The following STK32B variants were observed in gnomAD, a reference collection of about 807,000 sequenced individuals.
STK32B encodes serine/threonine-protein kinase 32B.
Under a neutral mutation model 52.6 loss-of-function variants are expected in STK32B, and 43 were observed. The observed-to-expected ratio is 0.82, with a 90% CI of 0.64 to 1.05. STK32B has a LOEUF of 1.05. Among genes scored for constraint, STK32B ranks in the 50% least tolerant of loss-of-function variants. The pLI is 0.00. For missense variants in STK32B, 621 were observed against 534.6 expected (o/e 1.16, Z -1.59); for synonymous variants, 238 against 204.3 (o/e 1.17, Z -1.41).
intron 3 of STK32B, among the ~76,000 whole-genome samples, chr4:5,200,198 G>A (rs1429243211): frequency 6.6e-6 from 1 of 151,442 alleles, no homozygotes; most frequent in African/African-American, 2.4e-5. Context: ...TTAACAGGTT[G>A]AAGTATCTCA....
intron 1 of STK32B, among the ~76,000 whole-genome samples, chr4:5,126,366 A>G (rs1031064587): frequency 2.0e-5 from 3 of 152,110 alleles, no homozygotes; most frequent in African/African-American, 7.2e-5. Flanking sequence ...CACTCCGGCA[A>G]GCCTTCAGGC....
intron 3 of STK32B, among the ~76,000 whole-genome samples, chr4:5,304,564 A>C (rs1024538720): frequency 1.4e-4 from 22 of 152,024 alleles, no homozygotes; most frequent in African/African-American, 5.3e-4. Context: ...TTCATTTACC[A>C]GTTCTAGGAG....
intron 3 of STK32B, among the ~76,000 whole-genome samples, chr4:5,223,085 CT>C (rs1377198977): frequency 6.6e-6 from 1 of 152,208 alleles, no homozygotes; most frequent in African/African-American, 2.4e-5. Context: ...GTACAGCACT[CT>C]TTGGTTACCA....
intron 4 of STK32B, among the ~76,000 whole-genome samples, chr4:5,344,760 T>C (rs1733335690): frequency 6.6e-6 from 1 of 151,992 alleles, no homozygotes; most frequent in Admixed American, 6.6e-5. Flanking sequence ...AGCCAACACC[T>C]TTCTTTAGTT....
intron 4 of STK32B, among the ~76,000 whole-genome samples, chr4:5,364,846 T>C (rs1045125401): frequency 1.3e-5 from 2 of 152,174 alleles, no homozygotes; most frequent in Non-Finnish European, 2.9e-5. Context: ...TCTAGCATTC[T>C]AGCAACCCTG....
intron 3 of STK32B, among the ~76,000 whole-genome samples, chr4:5,317,053 T>C (rs1388925208): frequency 5.2e-5 from 2 of 38,700 alleles, no homozygotes; most frequent in Non-Finnish European, 7.5e-5. Context: ...ATATATATAA[T>C]ATATATGATA....
At chr4:5,224,385 C>T (rs892058218) in intron 3 of STK32B, among the ~76,000 whole-genome samples, 2 of 152,158 alleles carry the variant, frequency 1.3e-5, no homozygotes, top group African/African-American at 4.8e-5. Flanking sequence ...TCTTAGCCTA[C>T]TAGAATGTTG....
At chr4:5,451,315 T>C (rs751736002) in intron 7 of STK32B, among the ~76,000 whole-genome samples, 14 of 152,168 alleles carry the variant, frequency 9.2e-5, no homozygotes, top group Non-Finnish European at 1.8e-4. Context: ...GGTAGAGAAG[T>C]GGAAGCTAGG....
At chr4:5,217,766 G>A (rs796383454) in intron 3 of STK32B, among the ~76,000 whole-genome samples, 35 of 152,296 alleles carry the variant, frequency 2.3e-4, no homozygotes, top group African/African-American at 7.5e-4. Context: ...TAGAAAGGGA[G>A]GAGGACTTGG....
intron 3 of STK32B, among the ~76,000 whole-genome samples, chr4:5,205,693 G>GGT (rs1560224808): frequency 8.8e-5 from 6 of 68,148 alleles, no homozygotes; most frequent in Non-Finnish European, 1.4e-4. Context: ...TTCTAGACCA[G>GGT]GCGCGCGCGC....
chr4:5,480,254 G>T (rs191551224), intron 11 of STK32B, among the ~76,000 whole-genome samples: 4 of 152,112 alleles, frequency 2.6e-5, no homozygotes, highest in Non-Finnish European at 5.9e-5. Context: ...TATTTCAAGA[G>T]GTTTATTCTG....
intron 3 of STK32B, among the ~76,000 whole-genome samples, chr4:5,208,950 T>C (rs1722742465): frequency 6.6e-6 from 1 of 152,240 alleles, no homozygotes; most frequent in African/African-American, 2.4e-5. Flanking sequence ...GCTTCATCAG[T>C]GATTCCTTAT....
rs557796582 is a variant in STK32B, at chr4:5,371,157, G to A, written c.435-27050G>A. ...CAATGTTGCAGAGAAATGGAATTTA[G>A]CTCAGAATCACAGCAAAGACAGCTG... On this transcript the variant is annotated intron_variant, in intron 4 of 11. Transcript: ENST00000282908. 1.7e-3 allele frequency among the ~76,000 whole-genome samples: 256 copies of A among 152,082 alleles called. 1 individual carries two copies. Among genetic ancestry groups the A allele is most frequent in the African/African-American group, 5.0e-3 (209 of 41,468 alleles).
chr4:5,437,802 C>T, intron 6 of STK32B: 3 of 549,914 alleles, frequency 5.5e-6, no homozygotes, highest in Non-Finnish European at 6.9e-6. Context: ...ATGTGGTTCA[C>T]ACCTGTCCTT....
At chr4:5,260,148 C>T (rs888050310) in intron 3 of STK32B, among the ~76,000 whole-genome samples, 1 of 152,108 alleles carries the variant, frequency 6.6e-6, no homozygotes, top group Non-Finnish European at 1.5e-5. Flanking sequence ...TACAGCTTCA[C>T]GAGATTTTCT....
intron 3 of STK32B, among the ~76,000 whole-genome samples, chr4:5,297,705 T>C (rs1729296071): frequency 6.6e-6 from 1 of 151,948 alleles, no homozygotes; most frequent in Admixed American, 6.6e-5. Flanking sequence ...GGTTCTTAGC[T>C]TCCTTGCATT....
intron 2 of STK32B, 160 bp downstream of exon 2, chr4:5,140,120 C>T (rs1716319971): frequency 7.2e-7 from 1 of 1,396,750 alleles, no homozygotes; most frequent in East Asian, 2.4e-5. Flanking sequence ...TCCTTGCGAT[C>T]TGGTGTAATT....
At chr4:5,140,825 C>T (rs940746493) in intron 2 of STK32B, among the ~76,000 whole-genome samples, 1 of 152,170 alleles carries the variant, frequency 6.6e-6, no homozygotes, top group Non-Finnish European at 1.5e-5. Flanking sequence ...AAACTCTGTA[C>T]CAGGCACTAT....
At chr4:5,444,199 C>G (rs1454697346) in intron 6 of STK32B, among the ~76,000 whole-genome samples, 1 of 152,188 alleles carries the variant, frequency 6.6e-6, no homozygotes, top group Non-Finnish European at 1.5e-5. Flanking sequence ...CCTCCCCCAG[C>G]CTCGCTGCCG....
Sources: gnomAD v4.1 joint callset for allele counts (sites outside exome capture counted in the v4.1 genomes callset) on GRCh38, gnomAD v4.1.1 for gene constraint, MANE v1.5 for transcripts, NCBI Gene and HGNC (gene_info 2026-07-23, HGNC 2026-07-21) for gene names.